The following NRXN1 variants were observed in gnomAD, a reference collection of about 807,000 sequenced individuals.
NRXN1 encodes neurexin 1, also known as neurexin-1.
Under a neutral mutation model 150.9 loss-of-function variants are expected in NRXN1, and 39 were observed. The ratio of observed to expected loss-of-function variants is 0.26; its 90% CI spans 0.20 to 0.34. The LOEUF is 0.34. Among genes scored for constraint, NRXN1 ranks in the 10% least tolerant of loss-of-function variants. The probability of loss-of-function intolerance (pLI) is 1.00; values close to 1 mark genes in which losing one functional copy is unlikely to be tolerated. For missense variants in NRXN1, 1,815 were observed against 1,949.9 expected (o/e 0.93, Z 1.30); for synonymous variants, 924 against 757.0 (o/e 1.22, Z -3.62).
intron 18 of NRXN1, among the ~76,000 whole-genome samples, chr2:50,109,190 C>T (rs1702051713): frequency 6.6e-6 from 1 of 152,068 alleles, no homozygotes; most frequent in African/African-American, 2.4e-5. Flanking sequence ...AAAGAATGAA[C>T]AATGGCAGTC....
chr2:49,946,315 A>G (rs930971764), intron 21 of NRXN1, among the ~76,000 whole-genome samples: 6 of 152,054 alleles, frequency 3.9e-5, no homozygotes, highest in Admixed American at 2.0e-4. Flanking sequence ...GATTGCAAAA[A>G]TTTCCTCCCA....
intron 8 of NRXN1, among the ~76,000 whole-genome samples, chr2:50,580,099 C>A (rs1468202106): frequency 6.6e-6 from 1 of 152,122 alleles, no homozygotes; most frequent in Non-Finnish European, 1.5e-5. Flanking sequence ...CATGAAATAA[C>A]TATTCAATAA....
In NRXN1 at chr2:50,347,421, C is replaced by G; in HGVS notation, c.3365-110451G>C. ...ATCCATTTAGCTTTGTGTGCGGGGACTAGGGAGGCCACTTCGCCGGCCCAA... is the reference window on the plus strand; with the variant it reads ...ATCCATTTAGCTTTGTGTGCGGGGAGTAGGGAGGCCACTTCGCCGGCCCAA... On this transcript the variant is annotated intron_variant, in intron 17 of 22. Transcript: ENST00000401669. This position sits in a 1 kb window ranked among gnomAD's most constrained non-coding sequence, Gnocchi z 4.9. 5 of 1,150,354 alleles carry G rather than the reference C, an allele frequency of 4.3e-6. No individual in the cohort carries two copies. The highest frequency in any genetic ancestry group is 5.4e-6 in the Non-Finnish European group (5 of 921,854). The allele number at this position is 1,150,354 out of a possible 1,614,324, so 71.3% of individuals were successfully genotyped here. A position where few individuals can be genotyped will look rare whatever the true frequency, so the allele number is the denominator to read the frequency against.
At chr2:50,240,383 C>T (rs2065900656) in intron 17 of NRXN1, among the ~76,000 whole-genome samples, 1 of 151,714 alleles carries the variant, frequency 6.6e-6, no homozygotes, top group South Asian at 2.1e-4. Context: ...ATATCCAGTC[C>T]TTCCTCAGCT....
chr2:50,578,667 T>C (rs1459844287), intron 8 of NRXN1, among the ~76,000 whole-genome samples: 1 of 152,136 alleles, frequency 6.6e-6, no homozygotes, highest in Non-Finnish European at 1.5e-5. Flanking sequence ...GGCTTGTATA[T>C]CCACCATCAC....
intron 17 of NRXN1, among the ~76,000 whole-genome samples, chr2:50,239,338 T>C (rs751243885): frequency 4.0e-5 from 6 of 151,560 alleles, no homozygotes; most frequent in Admixed American, 2.0e-4. Flanking sequence ...ACTATATACA[T>C]TATGTGAAAT....
intron 17 of NRXN1, among the ~76,000 whole-genome samples, chr2:50,449,607 C>A (rs1302908660): frequency 6.6e-6 from 1 of 152,148 alleles, no homozygotes; most frequent in African/African-American, 2.4e-5. Context: ...TCCTGGTCCT[C>A]TGACCACATT....
intron 15 of NRXN1, among the ~76,000 whole-genome samples, chr2:50,489,891 T>C (rs557478347): frequency 6.6e-6 from 1 of 152,108 alleles, no homozygotes; most frequent in Non-Finnish European, 1.5e-5. Flanking sequence ...GATAACTGCA[T>C]GGGAAGGGAA....
At chr2:50,213,443 G>C (rs575725344) in intron 18 of NRXN1, among the ~76,000 whole-genome samples, 15 of 151,956 alleles carry the variant, frequency 9.9e-5, no homozygotes, top group Admixed American at 7.9e-4. Flanking sequence ...ACTATGGATT[G>C]TATGTGAACT....
rs146628348 is a variant in NRXN1 at position 50,349,715 on chromosome 2, T to C, written c.3365-112745A>G. ...TGCAATATTTAATGTTGGTGTTCTTTAAAATATGTCAACTGCTCCCTGACA... is the reference window on the plus strand; with the variant it reads ...TGCAATATTTAATGTTGGTGTTCTTCAAAATATGTCAACTGCTCCCTGACA... On this transcript the variant is annotated intron_variant, in intron 17 of 22. Transcript: ENST00000401669. Among the ~76,000 whole-genome samples, 42 of 152,342 alleles carry C rather than the reference T, an allele frequency of 2.8e-4. 1 individual carries two copies. In the East Asian group the frequency reaches 7.3e-3, roughly 27 times the overall value.
At chr2:49,951,801 G>GACTAATT (rs1356129594) in intron 21 of NRXN1, among the ~76,000 whole-genome samples, 1 of 151,810 alleles carries the variant, frequency 6.6e-6, no homozygotes, top group African/African-American at 2.4e-5. Flanking sequence ...TGGATTGGTG[G>GACTAATT]ACTAATTAAT....
At chr2:50,403,540 G>T (rs770477871) in intron 17 of NRXN1, among the ~76,000 whole-genome samples, 1 of 151,950 alleles carries the variant, frequency 6.6e-6, no homozygotes, top group Non-Finnish European at 1.5e-5. Flanking sequence ...TAGTATTTTT[G>T]ACTTGACCTT....
chr2:50,243,996 C>T (rs1020789443), intron 17 of NRXN1, among the ~76,000 whole-genome samples: 13 of 151,848 alleles, frequency 8.6e-5, no homozygotes, highest in South Asian at 6.2e-4. Flanking sequence ...AGTAATTATG[C>T]GCTTCAATAA....
At chr2:50,490,177 A>C (rs1312508939) in intron 15 of NRXN1, among the ~76,000 whole-genome samples, 1 of 152,208 alleles carries the variant, frequency 6.6e-6, no homozygotes, top group Admixed American at 6.5e-5. Context: ...AATTGCCTCA[A>C]AAGTGGTGTC....
In NRXN1 at chr2:49,945,807, T is replaced by A. The variant is rs530939043; in HGVS notation, c.4129-2016A>T. Among the ~76,000 whole-genome samples the A allele has an allele frequency of 1.1e-3, 170 of 152,308 alleles. 4 individuals carry two copies. Among genetic ancestry groups the A allele is most frequent in the Non-Finnish European group, 1.0e-4 (7 of 68,028 alleles). On this transcript the variant is annotated intron_variant, in intron 21 of 22. Coordinates refer to ENST00000401669, the MANE Select transcript of NRXN1 (RefSeq NM_001330078.2). ...TATCATTGATGAGCATTTGGGTTGG[T>A]TCCAAGTCTTTGCTATTGTGAATAG...
chr2:50,618,615 G>C (rs1389340673), intron 8 of NRXN1, among the ~76,000 whole-genome samples: 1 of 151,878 alleles, frequency 6.6e-6, no homozygotes, highest in East Asian at 1.9e-4. Context: ...CTTGTTAGTT[G>C]TGTGACCTTC....
At chr2:50,517,195 C>T (rs920296754) in intron 12 of NRXN1, among the ~76,000 whole-genome samples, 1 of 152,004 alleles carries the variant, frequency 6.6e-6, no homozygotes, top group Non-Finnish European at 1.5e-5. Context: ...TTTAATGCAT[C>T]TTAATAACGC....
chr2:50,844,872 G>A (rs934911339), intron 5 of NRXN1, among the ~76,000 whole-genome samples: 1 of 145,296 alleles, frequency 6.9e-6, no homozygotes, highest in African/African-American at 2.5e-5. Context: ...TTTTTTTTTT[G>A]AAGCAGAGGC....
At chr2:50,368,403 T>A (rs1461419550) in intron 17 of NRXN1, among the ~76,000 whole-genome samples, 2 of 152,008 alleles carry the variant, frequency 1.3e-5, no homozygotes, top group Non-Finnish European at 2.9e-5. Context: ...TAGTTGTTAT[T>A]ACAAAAAACC....
Sources: allele counts gnomAD v4.1 joint callset (sites outside exome capture counted in the v4.1 genomes callset), GRCh38; gene constraint gnomAD v4.1.1; non-coding constraint Gnocchi (gnomAD v3.1); transcripts MANE v1.5; gene names NCBI Gene and HGNC (gene_info 2026-07-23, HGNC 2026-07-21).